PELO: variants seen among roughly 807,000 people sequenced by gnomAD.
PELO encodes pelota mRNA surveillance and ribosome rescue factor, also known as protein pelota homolog.
A neutral mutation model predicts 25.9 loss-of-function variants in PELO; 19 were observed. The ratio of observed to expected loss-of-function variants is 0.73; its 90% confidence interval spans 0.51 to 1.08. The LOEUF (loss-of-function observed/expected upper bound fraction) is 1.08. Ranked by LOEUF, PELO falls within the 50% of genes least tolerant of loss-of-function variation. The pLI is 0.00. For missense variants in PELO, 498 were observed against 491.4 expected, an observed-to-expected ratio of 1.01 and a Z score of -0.13; for synonymous variants, 196 against 192.2, an observed-to-expected ratio of 1.02 and a Z score of -0.16.
At chr5:52,793,345 A>G (rs1315087700) in intron 1 of PELO, among the ~76,000 whole-genome samples, 3 of 151,940 alleles carry the variant, frequency 2.0e-5, no homozygotes, top group African/African-American at 4.8e-5. Flanking sequence ...TTTATTATAT[A>G]CCTCTGCCTT....
rs1028145151 is a variant in PELO at position 52,798,498 on chromosome 5, A to T, written c.-510-1387A>T. Among the ~76,000 whole-genome samples, 18 of 152,306 alleles carry T rather than the reference A, an allele frequency of 1.2e-4. 2 individuals carry two copies. The highest frequency in any genetic ancestry group is 8.5e-4 in the Admixed American group (13 of 15,298). The stretch of plus-strand genomic sequence containing the variant: ...CATTTTAGGACGTTTATTTGCCAAA[A>T]TTAAGGACGTGCGCGGGGAAGACAG... On this transcript the variant is annotated intron_variant, in intron 1 of 2. Coordinates refer to ENST00000274311, the MANE Select transcript of PELO (RefSeq NM_015946.5).
chr5:52,789,850 G>A (rs1254732184), intron 1 of PELO, among the ~76,000 whole-genome samples: 3 of 152,126 alleles, frequency 2.0e-5, no homozygotes, highest in Non-Finnish European at 4.4e-5. Flanking sequence ...TGAGGTTTGC[G>A]TATCCTCTAA....
chr5:52,801,540 G>T lies in PELO; in HGVS notation c.858G>T (p.Gln286His), dbSNP rs1417185294. ...TGGATGACTTCTATAAAATGTTACAGCATGAACCGGATCGAGCTTTCTATG... is the reference window on the plus strand; with the variant it reads ...TGGATGACTTCTATAAAATGTTACATCATGAACCGGATCGAGCTTTCTATG... Reference protein sequence around the residue: ...KALDDFYKMLQHEPDRAFYGL... With the variant: ...KALDDFYKMLHHEPDRAFYGL... Residue 286 changes from glutamine to histidine, a missense_variant, in exon 3 of 3, where the codon CAG becomes CAT. By Grantham distance (24) the Gln-to-His change is conservative. Coordinates refer to ENST00000274311, the MANE Select transcript of PELO (RefSeq NM_015946.5). 1 of 1,614,040 alleles carries T rather than the reference G, an allele frequency of 6.2e-7. No individual in the cohort carries two copies. The highest frequency in any genetic ancestry group is 1.3e-5 in the African/African-American group (1 of 74,910).
In PELO at chr5:52,801,182, T is replaced by TA. The variant is rs1464576842; in HGVS notation, c.726+65dup. Reference sequence around the variant, plus strand: ...CAGAGGGATTGGTATAAACTACTCCTAAAGTTTTAGAACTGGGAAAAATAA... The same window carrying TA: ...CAGAGGGATTGGTATAAACTACTCCTAAAAGTTTTAGAACTGGGAAAAATAA... On this transcript the variant is annotated intron_variant, in intron 2 of 2. Transcript: ENST00000274311. 3.4e-6 allele frequency: 5 copies of TA among 1,461,880 alleles called. No individual in the cohort carries two copies. The Admixed American group carries it at 1.1e-4, about 33-fold the overall frequency. 90.6% of individuals were successfully genotyped at this position (1,461,880 alleles called of 1,614,324 possible). A position where few individuals can be genotyped will look rare whatever the true frequency, so the allele number is the denominator to read the frequency against.
chr5:52,800,971 A>C lies in PELO; in HGVS notation c.577A>C (p.Ile193Leu), dbSNP rs771824545. The C allele has an allele frequency of 8.7e-6, 14 of 1,614,080 alleles. No homozygotes were observed. The highest frequency in any genetic ancestry group is 5.0e-5 in the Admixed American group (3 of 60,012). Reference protein sequence around the residue: ...ERFYEQVVQAIQRHIHFDVVK... With the variant: ...ERFYEQVVQALQRHIHFDVVK... Reference sequence around the variant, plus strand: ...GTTCTATGAACAGGTGGTCCAGGCTATCCAGCGCCACATACACTTTGATGT... The same window carrying C: ...GTTCTATGAACAGGTGGTCCAGGCTCTCCAGCGCCACATACACTTTGATGT... The change falls in exon 2 of 3, where the codon ATC (isoleucine) becomes CTC (leucine). Residue 193 changes from isoleucine (I) to leucine (L), a missense_variant. By Grantham distance (5) the Ile-to-Leu change is conservative. Coordinates refer to ENST00000274311, the MANE Select transcript of PELO (RefSeq NM_015946.5).
In PELO at chr5:52,801,460, C is replaced by T; in HGVS notation, c.778C>T (p.Pro260Ser). Residue 260 changes from proline to serine, a missense_variant, in exon 3 of 3, where the codon CCT becomes TCT. Physicochemically the swap from Pro to Ser is moderately conservative, Grantham distance 74. Coordinates refer to ENST00000274311, the MANE Select transcript of PELO (RefSeq NM_015946.5). ...KYSLKEALCDPTVASRLSDTK... is the reference protein window; with the variant it reads ...KYSLKEALCDSTVASRLSDTK... Reference sequence around the variant, plus strand: ...CTCCCTGAAAGAGGCCCTTTGTGACCCTACTGTGGCTAGCCGCCTTTCAGA... The same window carrying T: ...CTCCCTGAAAGAGGCCCTTTGTGACTCTACTGTGGCTAGCCGCCTTTCAGA... 1.2e-6 allele frequency: 2 copies of T among 1,614,024 alleles called. No homozygotes were observed. Among genetic ancestry groups the T allele is most frequent in the Non-Finnish European group, 1.7e-6 (2 of 1,179,920 alleles).
At chr5:52,795,538 C>G (rs1023005862) in intron 1 of PELO, among the ~76,000 whole-genome samples, 1 of 151,854 alleles carries the variant, frequency 6.6e-6, no homozygotes, top group Non-Finnish European at 1.5e-5. Context: ...TAATTCAACT[C>G]ACCAATGAGG....
intron 1 of PELO, among the ~76,000 whole-genome samples, chr5:52,792,830 G>A (rs1561208999): frequency 1.3e-5 from 2 of 152,112 alleles, no homozygotes; most frequent in African/African-American, 4.8e-5. Context: ...TGAAACTGTT[G>A]CCACAGTGCT....
At position 52,803,106 on chromosome 5, in the gene PELO, T is replaced by C. The variant is rs1748520602; in HGVS notation, c.*1266T>C. On this transcript the variant is annotated 3_prime_UTR_variant, in exon 3 of 3. Coordinates refer to ENST00000274311, the MANE Select transcript of PELO (RefSeq NM_015946.5). ...CAGCGACGCCTATTTCAAGTAGTGATACTAACTAAACTTTCGCCGGTCTTT... is the reference window on the plus strand; with the variant it reads ...CAGCGACGCCTATTTCAAGTAGTGACACTAACTAAACTTTCGCCGGTCTTT... The C allele has an allele frequency of 6.6e-6, 1 of 152,188 alleles. No homozygotes were observed. Among genetic ancestry groups the C allele is most frequent in the South Asian group, 2.1e-4 (1 of 4,828 alleles). The allele number at this position is 152,188 out of a possible 1,614,324, so 9.4% of individuals were successfully genotyped here. A position where few individuals can be genotyped will look rare whatever the true frequency, so the allele number is the denominator to read the frequency against.
intron 1 of PELO, among the ~76,000 whole-genome samples, chr5:52,788,649 C>T (rs1748177956): frequency 6.6e-6 from 1 of 152,196 alleles, no homozygotes; most frequent in Non-Finnish European, 1.5e-5. Flanking sequence ...AGGAGTGAGG[C>T]AGCACTGAAA....
rs1375684662 is a variant in PELO, at chr5:52,788,280, A to G, written c.-645A>G. 2.9e-5 allele frequency: 35 copies of G among 1,213,584 alleles called. No homozygotes were observed. In the East Asian group the frequency reaches 4.1e-4, roughly 14 times the overall value. 75.2% of individuals were successfully genotyped at this position (1,213,584 alleles called of 1,614,324 possible). ...CGGCAGCGGGATAAGTGGCCCAGCC[A>G]GAGAGCGCAGCTCCCGCGCCCGGTC... On this transcript the variant is annotated 5_prime_UTR_variant, in exon 1 of 3. Transcript: ENST00000274311.
intron 1 of PELO, among the ~76,000 whole-genome samples, chr5:52,798,861 A>G (rs558147166): frequency 2.6e-5 from 4 of 152,312 alleles, no homozygotes; most frequent in East Asian, 3.9e-4. Context: ...TGTGGGCAAA[A>G]TATGAGCGAG....
chr5:52,797,830 G>A (rs1241007982), intron 1 of PELO, among the ~76,000 whole-genome samples: 1 of 152,178 alleles, frequency 6.6e-6, no homozygotes, highest in African/African-American at 2.4e-5. Flanking sequence ...GGGAGAATTA[G>A]AGCATAGGAA....
Position 52,788,136 on chromosome 5 carries a change from A to C in PELO, c.-789A>C. 4.6e-6 allele frequency: 2 copies of C among 435,772 alleles called. No homozygotes were observed. Among genetic ancestry groups the C allele is most frequent in the Non-Finnish European group, 8.2e-6 (2 of 244,978 alleles). The allele number at this position is 435,772 out of a possible 1,614,324, so 27.0% of individuals were successfully genotyped here. A position where few individuals can be genotyped will look rare whatever the true frequency, so the allele number is the denominator to read the frequency against. On this transcript the variant is annotated 5_prime_UTR_variant, in exon 1 of 3. Coordinates refer to ENST00000274311, the MANE Select transcript of PELO (RefSeq NM_015946.5). The stretch of plus-strand genomic sequence containing the variant: ...AGCGCGAAGGGGCGGGCGATGTGGC[A>C]ATCCGTCTGGGATGTGAAAAGCGTG...
chr5:52,800,047 A>T lies in PELO; in HGVS notation c.-348A>T, dbSNP rs926481037. 6 of 305,710 alleles carry T rather than the reference A, an allele frequency of 2.0e-5. No homozygotes were observed. The highest frequency in any genetic ancestry group is 3.1e-5 in the Non-Finnish European group (5 of 160,500). The allele number at this position is 305,710 out of a possible 1,614,324, so 18.9% of individuals were successfully genotyped here. On this transcript the variant is annotated 5_prime_UTR_variant, in exon 2 of 3. Coordinates refer to ENST00000274311, the MANE Select transcript of PELO (RefSeq NM_015946.5). The stretch of plus-strand genomic sequence containing the variant: ...CTGCGGCCCCGCCTCTCCTTTGGGG[A>T]CGGGAGACGTGCGTCGGGTCGCGGG...
chr5:52,791,792 TTATAAC>T (rs1438136100), intron 1 of PELO, among the ~76,000 whole-genome samples: 1 of 152,194 alleles, frequency 6.6e-6, no homozygotes, highest in Non-Finnish European at 1.5e-5. Context: ...AATTAAAACT[TTATAAC>T]TATTATCAAT....
rs777276798 is a variant in PELO at position 52,801,114 on chromosome 5, T to C, written c.720T>C (p.Phe240=). 1.9e-6 allele frequency: 3 copies of C among 1,598,998 alleles called. No homozygotes were observed. Among genetic ancestry groups the C allele is most frequent in the Non-Finnish European group, 2.6e-6 (3 of 1,171,408 alleles). ...TGCTCCTGGAAAACCGGTCCAAATT[T>C]CTTCAGGTAAAACAATCTTACCCAG... is the stretch of plus-strand genomic sequence containing the variant. ...NKLLLENRSK[F]LQVHASSGHK... is the part of the protein sequence containing the mutation. The change falls in exon 2 of 3, where the codon TTT becomes TTC. Residue 240 remains phenylalanine (F), a synonymous_variant. Transcript: ENST00000274311.
At chr5:52,790,587 G>A (rs6886608) in intron 1 of PELO, among the ~76,000 whole-genome samples, 11,906 of 152,090 alleles carry the variant, frequency 0.078, 1,537 homozygotes, top group African/African-American at 0.27. Context: ...CTTCAACCGA[G>A]CAGGGTAGAA....
At chr5:52,798,982 G>A (rs1332428760) in intron 1 of PELO, among the ~76,000 whole-genome samples, 1 of 152,058 alleles carries the variant, frequency 6.6e-6, no homozygotes, top group Non-Finnish European at 1.5e-5. Flanking sequence ...TGAGTTTGGG[G>A]ATCCGAGATT....
Sources: gnomAD v4.1 joint callset for allele counts (sites outside exome capture counted in the v4.1 genomes callset) on GRCh38, gnomAD v4.1.1 for gene constraint, MANE v1.5 for transcripts, NCBI Gene and HGNC (gene_info 2026-07-23, HGNC 2026-07-21) for gene names.